The following EEFSEC variants were observed in gnomAD, a reference collection of about 807,000 sequenced individuals.
EEFSEC encodes eukaryotic elongation factor, selenocysteine-tRNA specific.
A neutral mutation model predicts 42.1 loss-of-function variants in EEFSEC; 43 were observed. That is an observed-to-expected ratio of 1.02 (90% CI 0.80 to 1.32). The LOEUF is 1.32. Ranked by LOEUF, EEFSEC falls within the 40% of genes most tolerant of loss-of-function variation. The pLI is 0.00. For synonymous variants in EEFSEC, 354 were observed against 339.1 expected, an observed-to-expected ratio of 1.04 and a Z score of -0.48; for missense variants, 745 against 803.6, an observed-to-expected ratio of 0.93 and a Z score of 0.88.
downstream of EEFSEC, among the ~76,000 whole-genome samples, chr3:128,411,143 G>A (rs114991311): frequency 0.011 from 1,613 of 152,340 alleles, 20 homozygotes; most frequent in African/African-American, 0.036. Context: ...CAGCCTAGCC[G>A]GGACGGTGGG....
At chr3:128,224,768 C>T (rs1456614938) in intron 1 of EEFSEC, among the ~76,000 whole-genome samples, 1 of 152,140 alleles carries the variant, frequency 6.6e-6, no homozygotes, top group African/African-American at 2.4e-5. Context: ...CTTTGGTATC[C>T]AGTACCCTAT....
chr3:128,252,498 C>T (rs1052361669), intron 2 of EEFSEC, among the ~76,000 whole-genome samples: 14 of 152,184 alleles, frequency 9.2e-5, no homozygotes, highest in African/African-American at 3.4e-4. Flanking sequence ...GTACTTGGCA[C>T]TGTACTAGGG....
rs141317291 is a variant in EEFSEC, at chr3:128,224,883, G to A, written c.317-21953G>A. Among the ~76,000 whole-genome samples the A allele has an allele frequency of 3.5e-3, 535 of 152,284 alleles. 1 individual carries two copies. Among genetic ancestry groups the A allele is most frequent in the African/African-American group, 0.012 (495 of 41,556 alleles). On this transcript the variant is annotated intron_variant, in intron 1 of 6. Transcript: ENST00000254730. ...TATACATCCCCAAGTCCTTCATGTCGATGAGGAGCCCGAGGCTCAGAGAGG... is the reference window on the plus strand; with the variant it reads ...TATACATCCCCAAGTCCTTCATGTCAATGAGGAGCCCGAGGCTCAGAGAGG...
chr3:128,274,643 G>C (rs558672721), intron 4 of EEFSEC, among the ~76,000 whole-genome samples: 1 of 152,362 alleles, frequency 6.6e-6, no homozygotes, highest in African/African-American at 2.4e-5. Context: ...ACTTATACGT[G>C]CTTTTGGGTG....
At chr3:128,271,751 G>A (rs2066415574) in intron 4 of EEFSEC, among the ~76,000 whole-genome samples, 1 of 152,072 alleles carries the variant, frequency 6.6e-6, no homozygotes, top group South Asian at 2.1e-4. Context: ...CCGCTTCTGT[G>A]GCATGCTGCT....
In EEFSEC at chr3:128,332,069, G is replaced by A. The variant is rs940225438; in HGVS notation, c.787-9164G>A. On this transcript the variant is annotated intron_variant, in intron 4 of 6. Transcript: ENST00000254730. ...AGGGTATGGATAAATGACATATAAA[G>A]AAATACTATACAGCTGTCAAAAAAG... Among the ~76,000 whole-genome samples, 3 of 151,878 alleles carry A rather than the reference G, an allele frequency of 2.0e-5. No homozygotes were observed. The South Asian group carries it at 6.3e-4, about 32-fold the overall frequency.
chr3:128,254,250 A>G (rs192721880), intron 2 of EEFSEC, among the ~76,000 whole-genome samples: 1 of 152,360 alleles, frequency 6.6e-6, no homozygotes, highest in East Asian at 1.9e-4. Flanking sequence ...GACTAACTCT[A>G]GAAGGGCATG....
At chr3:128,381,252 G>T (rs997584286) in intron 6 of EEFSEC, among the ~76,000 whole-genome samples, 15 of 152,242 alleles carry the variant, frequency 9.9e-5, no homozygotes, top group African/African-American at 3.6e-4. Context: ...CCAGGCAGTT[G>T]GTTCACAGCT....
intron 1 of EEFSEC, among the ~76,000 whole-genome samples, chr3:128,176,426 C>G (rs1358314918): frequency 5.3e-5 from 8 of 151,992 alleles, no homozygotes; most frequent in African/African-American, 1.7e-4. Context: ...AAGACACACA[C>G]CAGAAGAGAA....
the EEFSEC span, among the ~76,000 whole-genome samples, chr3:128,414,808 G>A: frequency 5.9e-5 from 9 of 152,250 alleles, no homozygotes; most frequent in Non-Finnish European, 1.3e-4. Flanking sequence ...GACACAGTTT[G>A]CCAGGAGGGA....
chr3:128,272,265 A>T (rs2811534), intron 4 of EEFSEC, among the ~76,000 whole-genome samples: 1 of 152,292 alleles, frequency 6.6e-6, no homozygotes, highest in African/African-American at 2.4e-5. Flanking sequence ...ATCCGTCCTG[A>T]CAGTGGAACA....
At chr3:128,389,097 G>A (rs537599507) in intron 6 of EEFSEC, among the ~76,000 whole-genome samples, 50 of 152,334 alleles carry the variant, frequency 3.3e-4, no homozygotes, top group Non-Finnish European at 2.8e-4. Context: ...GGCAGCCTGC[G>A]GTGTCCTGTG....
At chr3:128,231,099 G>A (rs559532305) in intron 1 of EEFSEC, among the ~76,000 whole-genome samples, 2 of 149,336 alleles carry the variant, frequency 1.3e-5, no homozygotes, top group African/African-American at 5.0e-5. Context: ...GTCTTCCCTC[G>A]CCTCCTCCCC....
chr3:128,167,559 T>G (rs1218050114), intron 1 of EEFSEC, among the ~76,000 whole-genome samples: 1 of 152,238 alleles, frequency 6.6e-6, no homozygotes, highest in African/African-American at 2.4e-5. Flanking sequence ...TCAGGCCACT[T>G]TGCGTAGCAA....
At chr3:128,415,900 C>T in the EEFSEC span, among the ~76,000 whole-genome samples, 11 of 152,330 alleles carry the variant, frequency 7.2e-5, no homozygotes, top group Non-Finnish European at 1.2e-4. Flanking sequence ...GTCCTCTGCC[C>T]AGTCCCCCAG....
chr3:128,240,874 T>A (rs1400475512), intron 1 of EEFSEC, among the ~76,000 whole-genome samples: 1 of 152,182 alleles, frequency 6.6e-6, no homozygotes, highest in Non-Finnish European at 1.5e-5. Context: ...TCAGTCTTCT[T>A]ACCTGTATAA....
chr3:128,290,358 A>G (rs1168838436), intron 4 of EEFSEC, among the ~76,000 whole-genome samples: 1 of 151,832 alleles, frequency 6.6e-6, no homozygotes, highest in Admixed American at 6.6e-5. Context: ...TCCCCTTTGA[A>G]TTGCCTTGGC....
At chr3:128,177,306 T>A (rs1166925907) in intron 1 of EEFSEC, among the ~76,000 whole-genome samples, 1 of 152,126 alleles carries the variant, frequency 6.6e-6, no homozygotes, top group Non-Finnish European at 1.5e-5. Context: ...TGTGTTGGCC[T>A]GGGGAAGAAA....
At chr3:128,283,283 TGTGTCCAGAGGG>T (rs1178078557) in intron 4 of EEFSEC, among the ~76,000 whole-genome samples, 1 of 152,202 alleles carries the variant, frequency 6.6e-6, no homozygotes, top group East Asian at 1.9e-4. Flanking sequence ...GGGAGGACAC[TGTGTCCAGAGGG>T]GTGGCTATGT....
Sources: gnomAD v4.1 joint callset for allele counts (sites outside exome capture counted in the v4.1 genomes callset) on GRCh38, gnomAD v4.1.1 for gene constraint, MANE v1.5 for transcripts, NCBI Gene and HGNC (gene_info 2026-07-23, HGNC 2026-07-21) for gene names.